The following LSM14A variants were observed in gnomAD, a reference collection of about 807,000 sequenced individuals.
LSM14A encodes the protein LSM14A mRNA processing body assembly factor.
LSM14A carries 14 observed loss-of-function variants against 52.4 expected under a neutral mutation model. The observed-to-expected ratio is 0.27, with a 90% CI of 0.18 to 0.42. The LOEUF is 0.42. LSM14A is among the 10% of genes least tolerant of loss of function. The pLI is 1.00. For missense variants in LSM14A, 417 were observed against 581.8 expected, an observed-to-expected ratio of 0.72 and a Z score of 2.91; for synonymous variants, 185 against 200.3, an observed-to-expected ratio of 0.92 and a Z score of 0.64.
chr19:34,210,795 C>T (rs2072082782), intron 4 of LSM14A, among the ~76,000 whole-genome samples: 1 of 151,550 alleles, frequency 6.6e-6, no homozygotes, highest in Non-Finnish European at 1.5e-5. Context: ...TGGTCTGGAA[C>T]TCCTGGGCTC....
chr19:34,211,002 T>C (rs1006097528), intron 4 of LSM14A, among the ~76,000 whole-genome samples: 3 of 151,776 alleles, frequency 2.0e-5, no homozygotes, highest in African/African-American at 7.3e-5. Context: ...AAATTAAATA[T>C]ACAAAAGTCA....
At chr19:34,204,639 G>C (rs35261152) in intron 3 of LSM14A, among the ~76,000 whole-genome samples, 3,748 of 152,066 alleles carry the variant, frequency 0.025, 157 homozygotes, top group African/African-American at 0.087. Flanking sequence ...ACTTGATTGA[G>C]CCCAGGAATT....
chr19:34,178,236 C>T (rs1347572692), intron 1 of LSM14A, among the ~76,000 whole-genome samples: 1 of 151,696 alleles, frequency 6.6e-6, no homozygotes, highest in Admixed American at 6.6e-5. Context: ...GATAAGTTAT[C>T]ACACCACATA....
At chr19:34,198,260 CTT>C (rs920037904) in intron 3 of LSM14A, among the ~76,000 whole-genome samples, 11 of 152,016 alleles carry the variant, frequency 7.2e-5, no homozygotes, top group Non-Finnish European at 1.6e-4. Flanking sequence ...ACAGATGTGA[CTT>C]AAGTATTTAA....
In LSM14A at chr19:34,176,336, G is replaced by A. The variant is rs532455391; in HGVS notation, c.121+3573G>A. The stretch of plus-strand genomic sequence containing the variant: ...GTTATTGGGAAACCTAACTACACAG[G>A]CTGAAAAGATACATAAGATAAAAAT... On this transcript the variant is annotated intron_variant, in intron 1 of 9. Transcript: ENST00000544216. Among the ~76,000 whole-genome samples, 9 of 151,744 alleles carry A rather than the reference G, an allele frequency of 5.9e-5. No individual in the cohort carries two copies. In the South Asian group the frequency reaches 1.9e-3, roughly 32 times the overall value.
At chr19:34,226,377 T>A in intron 9 of LSM14A, 1 of 259,306 alleles carries the variant, frequency 3.9e-6, no homozygotes, top group Non-Finnish European at 6.1e-6. Context: ...CTCTTTCTCT[T>A]TTTTTTTTTT....
At chr19:34,199,292 A>G (rs183286469) in intron 3 of LSM14A, among the ~76,000 whole-genome samples, 41 of 151,658 alleles carry the variant, frequency 2.7e-4, no homozygotes, top group Non-Finnish European at 4.9e-4. Flanking sequence ...TCCCGGCTAG[A>G]TTTTTCTTTT....
At chr19:34,196,170 A>G (rs2145658977) in intron 2 of LSM14A, among the ~76,000 whole-genome samples, 1 of 152,328 alleles carries the variant, frequency 6.6e-6, no homozygotes, top group African/African-American at 2.4e-5. Flanking sequence ...GTAAAAATGT[A>G]AATGGTTTTA....
intron 6 of LSM14A, among the ~76,000 whole-genome samples, chr19:34,218,337 G>A (rs183981987): frequency 1.3e-5 from 2 of 152,212 alleles, no homozygotes; most frequent in East Asian, 3.9e-4. Flanking sequence ...GAAGGATCAT[G>A]GTGTAATTCT....
intron 3 of LSM14A, among the ~76,000 whole-genome samples, chr19:34,199,793 T>A (rs886504917): frequency 3.3e-5 from 5 of 152,190 alleles, no homozygotes; most frequent in Non-Finnish European, 7.3e-5. Flanking sequence ...AAATGCCTGC[T>A]AATAAGTAGA....
intron 1 of LSM14A, among the ~76,000 whole-genome samples, chr19:34,179,744 G>A (rs2069342630): frequency 6.6e-6 from 1 of 152,302 alleles, no homozygotes; most frequent in East Asian, 1.9e-4. Context: ...ATGATACATA[G>A]CAGGAGTTTT....
intron 3 of LSM14A, among the ~76,000 whole-genome samples, chr19:34,206,403 T>C (rs1005471028): frequency 6.6e-6 from 1 of 150,506 alleles, no homozygotes; most frequent in African/African-American, 2.5e-5. Context: ...GTACGGTGGC[T>C]CAAACCTGTA....
At chr19:34,198,419 G>A (rs1273212780) in intron 3 of LSM14A, among the ~76,000 whole-genome samples, 22 of 151,200 alleles carry the variant, frequency 1.5e-4, no homozygotes, top group Admixed American at 1.5e-3. Context: ...TTCAAGACCA[G>A]CCTGACCAAC....
intron 1 of LSM14A, among the ~76,000 whole-genome samples, chr19:34,192,670 G>A (rs894840631): frequency 4.2e-5 from 5 of 117,888 alleles, no homozygotes; most frequent in African/African-American, 6.6e-5. Context: ...AAAAAAAAGC[G>A]TATGCATTAA....
At chr19:34,217,995 T>A (rs904872494) in intron 6 of LSM14A, among the ~76,000 whole-genome samples, 1 of 20,908 alleles carries the variant, frequency 4.8e-5, no homozygotes, top group Non-Finnish European at 1.1e-4. Context: ...CCCAAAACCT[T>A]TTTTTTTTTT....
rs1391985558 is a variant in LSM14A, at chr19:34,221,119, G to T, written c.1137-388G>T. 7.0e-5 allele frequency among the ~76,000 whole-genome samples: 8 copies of T among 114,992 alleles called. No homozygotes were observed. In the East Asian group the frequency reaches 1.5e-3, roughly 22 times the overall value. 75.4% of individuals were successfully genotyped at this position (114,992 alleles called of 152,430 possible). ...TTTTTTGAGATGGAGTTTCGCTCTT[G>T]TCACCCAGACTGTAGTGCAGTGGCT... On this transcript the variant is annotated intron_variant, in intron 8 of 9. Transcript: ENST00000544216.
In LSM14A at chr19:34,179,032, T is replaced by C. The variant is rs192817527; in HGVS notation, c.121+6269T>C. 1.3e-3 allele frequency among the ~76,000 whole-genome samples: 201 copies of C among 152,342 alleles called. 1 individual carries two copies. The highest frequency in any genetic ancestry group is 6.8e-3 in the Middle Eastern group (2 of 294). ...AAGTGAGTAGGATGCCTAAATAGGC[T>C]AAAATGAATGAAATTCTTATAAAAA... On this transcript the variant is annotated intron_variant, in intron 1 of 9. Transcript: ENST00000544216.
chr19:34,185,242 G>GT (rs1055316983), intron 1 of LSM14A, among the ~76,000 whole-genome samples: 1 of 152,206 alleles, frequency 6.6e-6, no homozygotes, highest in Non-Finnish European at 1.5e-5. Context: ...AGTGGAGGTA[G>GT]TTTTTTGTCA....
Position 34,219,794 on chromosome 19 carries a change from C to A in LSM14A, c.1053C>A (p.Ala351=), listed in dbSNP as rs201997010. 1 of 1,613,072 alleles carries A rather than the reference C, an allele frequency of 6.2e-7. No individual in the cohort carries two copies. ...GVDTQNSEGN[A]DEEDPLGPNC... ...ATACCCAAAACAGTGAAGGAAATGCCGATGAAGAAGATCCACTTGGACCTA... is the reference window on the plus strand; with the variant it reads ...ATACCCAAAACAGTGAAGGAAATGCAGATGAAGAAGATCCACTTGGACCTA... Residue 351 remains alanine (A), a synonymous_variant, in exon 8 of 10, where the codon GCC becomes GCA. Transcript: ENST00000544216.
Sources: gnomAD v4.1 joint callset for allele counts (sites outside exome capture counted in the v4.1 genomes callset) on GRCh38, gnomAD v4.1.1 for gene constraint, MANE v1.5 for transcripts, NCBI Gene and HGNC (gene_info 2026-07-23, HGNC 2026-07-21) for gene names.